The following MYO9A variants were observed in gnomAD, a reference collection of about 807,000 sequenced individuals.
MYO9A encodes the protein myosin IXA.
A neutral mutation model predicts 293.3 loss-of-function variants in MYO9A; 103 were observed. The observed-to-expected ratio is 0.35, with a 90% CI of 0.30 to 0.41. MYO9A has a LOEUF of 0.41. Ranked by LOEUF, MYO9A falls within the 10% of genes least tolerant of loss-of-function variation. The pLI is 1.00. For synonymous variants in MYO9A, 1,001 were observed against 1,035.7 expected, an observed-to-expected ratio of 0.97 and a Z score of 0.64; for missense variants, 2,685 against 3,033.0, an observed-to-expected ratio of 0.89 and a Z score of 2.69.
At chr15:71,855,996 ATCAAGGCCT>A (rs2055848351) in intron 34 of MYO9A, among the ~76,000 whole-genome samples, 1 of 152,130 alleles carries the variant, frequency 6.6e-6, no homozygotes, top group African/African-American at 2.4e-5. Context: ...AGGAAACAAA[ATCAAGGCCT>A]TCTGCTTAAG....
chr15:71,973,967 T>C (rs1215406607), intron 12 of MYO9A, among the ~76,000 whole-genome samples: 2 of 152,130 alleles, frequency 1.3e-5, no homozygotes, highest in Non-Finnish European at 2.9e-5. Context: ...AGACCCTGAA[T>C]GTAGAAGGTA....
chr15:72,033,338 G>C (rs1419306125), intron 2 of MYO9A, among the ~76,000 whole-genome samples: 1 of 152,068 alleles, frequency 6.6e-6, no homozygotes, highest in Non-Finnish European at 1.5e-5. Flanking sequence ...TTTTAGAATA[G>C]AATGAAATGA....
At chr15:72,113,246 G>A (rs1160134982) in intron 1 of MYO9A, among the ~76,000 whole-genome samples, 3 of 152,072 alleles carry the variant, frequency 2.0e-5, no homozygotes, top group African/African-American at 7.2e-5. Context: ...ACATAAGAAT[G>A]GTACCTAACT....
intron 2 of MYO9A, chr15:72,039,806 G>A (rs2078171059): frequency 6.5e-6 from 1 of 153,786 alleles, no homozygotes; most frequent in Non-Finnish European, 1.4e-5. Flanking sequence ...TCCAGCCCAG[G>A]CGACAAAGCA....
Position 71,825,460 on chromosome 15 carries a change from G to C in MYO9A, c.*1120C>G, listed in dbSNP as rs188079191. 1 of 151,620 alleles carries C rather than the reference G, an allele frequency of 6.6e-6. No individual in the cohort carries two copies. The highest frequency in any genetic ancestry group is 1.5e-5 in the Non-Finnish European group (1 of 67,880). The allele number at this position is 151,620 out of a possible 1,614,324, so 9.4% of individuals were successfully genotyped here. A position where few individuals can be genotyped will look rare whatever the true frequency, so the allele number is the denominator to read the frequency against. On this transcript the variant is annotated 3_prime_UTR_variant, in exon 42 of 42. Coordinates refer to ENST00000356056, the MANE Select transcript of MYO9A (RefSeq NM_006901.4). Reference sequence around the variant, plus strand: ...CATCTATTTAATACTGATAGTCTGAGAAAAGGAAGATAAAAGTTAGTTAGT... The same window carrying C: ...CATCTATTTAATACTGATAGTCTGACAAAAGGAAGATAAAAGTTAGTTAGT...
intron 4 of MYO9A, 69 bp downstream of exon 4, chr15:72,027,662 A>T: frequency 2.5e-6 from 3 of 1,194,400 alleles, no homozygotes; most frequent in Non-Finnish European, 3.6e-6. Flanking sequence ...TAATACACAA[A>T]GACCTTAAAA....
chr15:72,093,057 A>G (rs997952028), intron 1 of MYO9A, among the ~76,000 whole-genome samples: 1 of 152,192 alleles, frequency 6.6e-6, no homozygotes, highest in South Asian at 2.1e-4. Flanking sequence ...AAAAATTAAC[A>G]AGAAAAAAAG....
At chr15:72,013,443 G>A (rs900345010) in intron 6 of MYO9A, among the ~76,000 whole-genome samples, 2 of 152,178 alleles carry the variant, frequency 1.3e-5, no homozygotes, top group African/African-American at 4.8e-5. Context: ...AGAGTTCAAG[G>A]AAATGGTAAG....
At chr15:72,078,544 T>C (rs904845794) in intron 1 of MYO9A, among the ~76,000 whole-genome samples, 1 of 151,502 alleles carries the variant, frequency 6.6e-6, no homozygotes, top group African/African-American at 2.4e-5. Flanking sequence ...TCAGACACAG[T>C]GGCACATGGC....
chr15:71,914,315 T>C (rs1192367391), intron 19 of MYO9A, among the ~76,000 whole-genome samples: 1 of 152,202 alleles, frequency 6.6e-6, no homozygotes, highest in Admixed American at 6.5e-5. Flanking sequence ...CTGAAAATAT[T>C]TGACTCATAT....
intron 8 of MYO9A, among the ~76,000 whole-genome samples, chr15:72,001,814 A>G (rs998119622): frequency 1.3e-5 from 2 of 152,194 alleles, no homozygotes; most frequent in Non-Finnish European, 2.9e-5. Context: ...CCAAAAATCA[A>G]CAATGAACTT....
At chr15:71,930,760 T>C (rs942892577) in intron 18 of MYO9A, among the ~76,000 whole-genome samples, 3 of 152,196 alleles carry the variant, frequency 2.0e-5, no homozygotes, top group Non-Finnish European at 2.9e-5. Context: ...TATCATTTTG[T>C]AGAGCCTTTC....
chr15:72,005,586 T>C (rs1332691290), intron 8 of MYO9A, among the ~76,000 whole-genome samples: 1 of 152,240 alleles, frequency 6.6e-6, no homozygotes, highest in Non-Finnish European at 1.5e-5. Flanking sequence ...CTGGTAGAAC[T>C]TCTTTCCAGT....
At chr15:72,015,349 C>T (rs1052598967) in intron 6 of MYO9A, among the ~76,000 whole-genome samples, 3 of 152,154 alleles carry the variant, frequency 2.0e-5, no homozygotes, top group South Asian at 2.1e-4. Context: ...TAGATGAAAA[C>T]ATTATGGTTT....
chr15:72,035,848 T>C (rs2078030786), intron 2 of MYO9A, among the ~76,000 whole-genome samples: 1 of 151,862 alleles, frequency 6.6e-6, no homozygotes, highest in Non-Finnish European at 1.5e-5. Context: ...TCTATGTATA[T>C]GACATTCTCA....
intron 31 of MYO9A, among the ~76,000 whole-genome samples, chr15:71,876,520 C>T (rs1322523240): frequency 6.7e-6 from 1 of 149,904 alleles, no homozygotes; most frequent in African/African-American, 2.5e-5. Context: ...ACCACAACCT[C>T]CACCTCCCAG....
At chr15:72,012,370 G>A (rs1214258072) in intron 6 of MYO9A, among the ~76,000 whole-genome samples, 1 of 152,028 alleles carries the variant, frequency 6.6e-6, no homozygotes, top group African/African-American at 2.4e-5. Flanking sequence ...TGTCTGCTCA[G>A]TGCAACCTCT....
Position 72,045,812 on chromosome 15 carries a change from A to G in MYO9A, c.752T>C (p.Phe251Ser). The change falls in exon 2 of 42, where the codon TTT becomes TCT. Residue 251 changes from phenylalanine (F) to serine (S), a missense_variant. Physicochemically the swap from Phe to Ser is radical, Grantham distance 155. This residue lies in a region of MYO9A where 289 missense variants were observed against 456.8 expected (regional missense o/e 0.63). Transcript: ENST00000356056. ...GAGAGCAGTAAGGTGGTGAATAAGAAAGTTTGTGCTTTGAGTCTTCCCAGA... is the reference window on the plus strand; with the variant it reads ...GAGAGCAGTAAGGTGGTGAATAAGAGAGTTTGTGCTTTGAGTCTTCCCAGA... Reference protein sequence around the residue: ...SGSGKTQSTNFLIHHLTALSQ... With the variant: ...SGSGKTQSTNSLIHHLTALSQ... 1 of 1,614,182 alleles carries G rather than the reference A, an allele frequency of 6.2e-7. No homozygotes were observed. Among genetic ancestry groups the G allele is most frequent in the Non-Finnish European group, 8.5e-7 (1 of 1,180,030 alleles).
intron 25 of MYO9A, among the ~76,000 whole-genome samples, chr15:71,894,769 C>T (rs932095650): frequency 6.6e-6 from 1 of 152,158 alleles, no homozygotes; most frequent in African/African-American, 2.4e-5. Flanking sequence ...AAATTCTGGG[C>T]AGAAATAGAT....
Sources: allele counts gnomAD v4.1 joint callset (sites outside exome capture counted in the v4.1 genomes callset), GRCh38; gene constraint gnomAD v4.1.1; regional missense constraint gnomAD v4.1.1; transcripts MANE v1.5; gene names NCBI Gene and HGNC (gene_info 2026-07-23, HGNC 2026-07-21).